APOE: variants seen among roughly 807,000 people sequenced by gnomAD.
APOE encodes the protein apolipoprotein E.
Under a neutral mutation model 13.1 loss-of-function variants are expected in APOE, and 10 were observed. The ratio of observed to expected loss-of-function variants is 0.76; its 90% confidence interval spans 0.47 to 1.29. APOE has a LOEUF of 1.29. Among genes scored for constraint, APOE ranks in the 50% most tolerant of loss-of-function variants. APOE has a pLI of 0.00. For synonymous variants in APOE, 211 were observed against 207.1 expected (o/e 1.02, Z -0.16); for missense variants, 471 against 459.6 (o/e 1.02, Z -0.23).
rs768684471 is a variant in APOE, at chr19:44,907,848, G to A, written c.132G>A (p.Trp44Ter). 6.2e-7 allele frequency: 1 copy of A among 1,614,054 alleles called. No individual in the cohort carries two copies. The highest frequency in any genetic ancestry group is 8.5e-7 in the Non-Finnish European group (1 of 1,179,942). Residue 44 changes from tryptophan to a stop codon, truncating the protein, a stop_gained, in exon 3 of 4, where the codon TGG (tryptophan) becomes TGA (stop). Transcript: ENST00000252486. LOFTEE classifies it high-confidence loss of function. This position sits in a 1 kb window ranked among gnomAD's most constrained non-coding sequence, Gnocchi z 4.1. ...CCGAGTGGCAGAGCGGCCAGCGCTGGGAACTGGCACTGGGTCGCTTTTGGG... is the reference window on the plus strand; with the variant it reads ...CCGAGTGGCAGAGCGGCCAGCGCTGAGAACTGGCACTGGGTCGCTTTTGGG... ...QQTEWQSGQR[W>*]ELALGRFWDY...
chr19:44,909,007 G>A lies in APOE; in HGVS notation c.711G>A (p.Glu237=), dbSNP rs1051122725. ...AWGERLRARM[E]EMGSRTRDRL... ...GCGAGCGGCTGCGCGCGCGGATGGAGGAGATGGGCAGCCGGACCCGCGACC... is the reference window on the plus strand; with the variant it reads ...GCGAGCGGCTGCGCGCGCGGATGGAAGAGATGGGCAGCCGGACCCGCGACC... The change falls in exon 4 of 4, where the codon GAG becomes GAA. Residue 237 remains glutamate, a synonymous_variant. Coordinates refer to ENST00000252486, the MANE Select transcript of APOE (RefSeq NM_000041.4). The A allele has an allele frequency of 3.3e-6, 5 of 1,536,610 alleles. No individual in the cohort carries two copies. Among genetic ancestry groups the A allele is most frequent in the Non-Finnish European group, 4.4e-6 (5 of 1,146,898 alleles).
rs917586841 is a variant in APOE, at chr19:44,906,548, T to G, written c.-23-54T>G. ...GGGTGAGGCCGGGTTGGGGCCGGGC[T>G]GGGGGTGGGAGGAGTCCTCACTGGC... On this transcript the variant is annotated intron_variant, in intron 1 of 3. Transcript: ENST00000252486. 108 of 1,602,832 alleles carry G rather than the reference T, an allele frequency of 6.7e-5. No homozygotes were observed. In the South Asian group the frequency reaches 1.0e-3, roughly 15 times the overall value.
At chr19:44,906,824 G>C (rs748992092) in intron 2 of APOE, 157 bp downstream of exon 2, 2 of 680,888 alleles carry the variant, frequency 2.9e-6, no homozygotes, top group Non-Finnish European at 5.2e-6. Context: ...TCTGGGCCTC[G>C]GTTTCCCCCA....
Position 44,907,721 on chromosome 19 carries a change from C to A in APOE, c.44-39C>A. 1 of 1,570,902 alleles carries A rather than the reference C, an allele frequency of 6.4e-7. No individual in the cohort carries two copies. Among genetic ancestry groups the A allele is most frequent in the Non-Finnish European group, 8.6e-7 (1 of 1,161,704 alleles). On this transcript the variant is annotated intron_variant, in intron 2 of 3. Coordinates refer to ENST00000252486, the MANE Select transcript of APOE (RefSeq NM_000041.4). The surrounding 1 kb of genome is among the most constrained non-coding windows in gnomAD (Gnocchi z 4.1). ...TAGGTACTAGATGCCTGGACGGGGT[C>A]AGAAGGACCCTGACCCACCTTGAAC...
At chr19:44,908,199 G>T (rs1456936815) in intron 3 of APOE, among the ~76,000 whole-genome samples, 1 of 151,972 alleles carries the variant, frequency 6.6e-6, no homozygotes, top group Non-Finnish European at 1.5e-5. Flanking sequence ...TCCTTCCCTA[G>T]CTCTTTTATA....
Position 44,907,061 on chromosome 19 carries a change from TC to T in APOE, c.43+395del. ...ACACCCGACTAACTTTTTTGTATTT[TC>T]AGTAGAGACGGGGTTTCACCATGTT... On this transcript the variant is annotated intron_variant, in intron 2 of 3. Transcript: ENST00000252486. This position sits in a 1 kb window ranked among gnomAD's most constrained non-coding sequence, Gnocchi z 4.1. 1 of 252,728 alleles carries T rather than the reference TC, an allele frequency of 4.0e-6. No homozygotes were observed. 15.7% of individuals were successfully genotyped at this position (252,728 alleles called of 1,614,324 possible). A position where few individuals can be genotyped will look rare whatever the true frequency, so the allele number is the denominator to read the frequency against.
chr19:44,909,238 C>A lies in APOE; in HGVS notation c.942C>A (p.Ser314Arg). Residue 314 changes from serine to arginine, a missense_variant, in exon 4 of 4, where the codon AGC (serine) becomes AGA (arginine). Ser to Arg is a moderately radical substitution (Grantham distance 110). Coordinates refer to ENST00000252486, the MANE Select transcript of APOE (RefSeq NM_000041.4). ...AVGTSAAPVP[S>R]DNH ...GCACCAGCGCCGCCCCTGTGCCCAG[C>A]GACAATCACTGAACGCCGAAGCCTG... The A allele has an allele frequency of 6.3e-7, 1 of 1,596,706 alleles. No individual in the cohort carries two copies. Among genetic ancestry groups the A allele is most frequent in the Non-Finnish European group, 8.5e-7 (1 of 1,179,232 alleles).
Position 44,908,694 on chromosome 19 carries a change from T to G in APOE, c.398T>G (p.Leu133Arg). ...GADMEDVCGRLVQYRGEVQAM... is the reference protein window; with the variant it reads ...GADMEDVCGRRVQYRGEVQAM... Reference sequence around the variant, plus strand: ...GACATGGAGGACGTGTGCGGCCGCCTGGTGCAGTACCGCGGCGAGGTGCAG... The same window carrying G: ...GACATGGAGGACGTGTGCGGCCGCCGGGTGCAGTACCGCGGCGAGGTGCAG... The change falls in exon 4 of 4, where the codon CTG becomes CGG. Residue 133 changes from leucine to arginine, a missense_variant. Coordinates refer to ENST00000252486, the MANE Select transcript of APOE (RefSeq NM_000041.4). The G allele has an allele frequency of 6.4e-7, 1 of 1,565,122 alleles. No individual in the cohort carries two copies. Among genetic ancestry groups the G allele is most frequent in the Non-Finnish European group, 8.7e-7 (1 of 1,155,470 alleles).
intron 2 of APOE, chr19:44,906,940 G>A (rs1969820194): frequency 2.0e-6 from 1 of 497,080 alleles, no homozygotes; most frequent in Non-Finnish European, 3.7e-6. Context: ...GAGTGCAGTG[G>A]CGGGATCTCG....
At chr19:44,905,925 T>C in intron 1 of APOE, 84 bp downstream of exon 1, 1 of 1,295,676 alleles carries the variant, frequency 7.7e-7, no homozygotes, top group Non-Finnish European at 1.0e-6. Context: ...GGCCTCCAGG[T>C]AGTCTCAGGA....
In APOE at chr19:44,909,304, GCGCAGCCTGCAGCGGGAGACCCTGTCCC is replaced by G; in HGVS notation, c.*58_*85del. ...ACGCCACCCCGTGCCTCCTGCCTCC[GCGCAGCCTGCAGCGGGAGACCCTGTCCC>G]CGCCCCAGCCGTCCTCCTGGGGTGG... On this transcript the variant is annotated 3_prime_UTR_variant, in exon 4 of 4. Coordinates refer to ENST00000252486, the MANE Select transcript of APOE (RefSeq NM_000041.4). 6.5e-7 allele frequency: 1 copy of G among 1,534,650 alleles called. No homozygotes were observed. The highest frequency in any genetic ancestry group is 2.3e-5 in the East Asian group (1 of 44,418).
At chr19:44,906,406 G>A (rs1358602022) in intron 1 of APOE, 196 bp from the exon 2 acceptor site, 2 of 622,352 alleles carry the variant, frequency 3.2e-6, no homozygotes, top group Non-Finnish European at 5.8e-6. Context: ...CCTGGGGATG[G>A]GGAGATAAGA....
At position 44,907,668 on chromosome 19, in the gene APOE, C is replaced by A; in HGVS notation, c.44-92C>A. On this transcript the variant is annotated intron_variant, in intron 2 of 3. Coordinates refer to ENST00000252486, the MANE Select transcript of APOE (RefSeq NM_000041.4). The surrounding 1 kb of genome is among the most constrained non-coding windows in gnomAD (Gnocchi z 4.1). ...CCTGCCCACCATGGCTCCAAAGAAGCATTTGTGGAGCACCTTCTGTGTGCC... is the reference window on the plus strand; with the variant it reads ...CCTGCCCACCATGGCTCCAAAGAAGAATTTGTGGAGCACCTTCTGTGTGCC... 1.7e-6 allele frequency: 2 copies of A among 1,180,914 alleles called. No homozygotes were observed. The highest frequency in any genetic ancestry group is 2.0e-4 in the Middle Eastern group (1 of 4,910). The allele number at this position is 1,180,914 out of a possible 1,614,324, so 73.2% of individuals were successfully genotyped here. A position where few individuals can be genotyped will look rare whatever the true frequency, so the allele number is the denominator to read the frequency against.
chr19:44,905,894 G>C (rs1233347077), intron 1 of APOE, 53 bp downstream of exon 1: 1 of 1,296,900 alleles, frequency 7.7e-7, no homozygotes, highest in African/African-American at 1.5e-5. Context: ...TCTAGAAAGA[G>C]CTGGGACCCT....
chr19:44,906,527 G>C (rs1405699926), intron 1 of APOE, 75 bp from the exon 2 acceptor site: 7 of 1,534,784 alleles, frequency 4.6e-6, no homozygotes, highest in African/African-American at 1.4e-5. Flanking sequence ...AACCTGGGGT[G>C]AGGCCGGGTT....
chr19:44,908,996 G>A lies in APOE; in HGVS notation c.700G>A (p.Ala234Thr), dbSNP rs1241924076. The change falls in exon 4 of 4, where the codon GCG becomes ACG. Residue 234 changes from alanine to threonine, a missense_variant. By Grantham distance (58) the Ala-to-Thr change is moderately conservative (BLOSUM62 0). Transcript: ENST00000252486. ...RAQAWGERLR[A>T]RMEEMGSRTR... Reference sequence around the variant, plus strand: ...CCAGGCCTGGGGCGAGCGGCTGCGCGCGCGGATGGAGGAGATGGGCAGCCG... The same window carrying A: ...CCAGGCCTGGGGCGAGCGGCTGCGCACGCGGATGGAGGAGATGGGCAGCCG... 2.6e-6 allele frequency: 4 copies of A among 1,534,104 alleles called. No individual in the cohort carries two copies. The highest frequency in any genetic ancestry group is 1.2e-5 in the South Asian group (1 of 83,944).
Position 44,907,824 on chromosome 19 carries a change from C to A in APOE, c.108C>A (p.Thr36=). Residue 36 remains threonine, a synonymous_variant, in exon 3 of 4, where the codon ACC becomes ACA. Coordinates refer to ENST00000252486, the MANE Select transcript of APOE (RefSeq NM_000041.4). This position sits in a 1 kb window ranked among gnomAD's most constrained non-coding sequence, Gnocchi z 4.1. Reference sequence around the variant, plus strand: ...CGGAGCCCGAGCTGCGCCAGCAGACCGAGTGGCAGAGCGGCCAGCGCTGGG... The same window carrying A: ...CGGAGCCCGAGCTGCGCCAGCAGACAGAGTGGCAGAGCGGCCAGCGCTGGG... The part of the protein sequence containing the change: ...TEPEPELRQQ[T]EWQSGQRWEL... 1.2e-6 allele frequency: 2 copies of A among 1,613,940 alleles called. No homozygotes were observed. Among genetic ancestry groups the A allele is most frequent in the Non-Finnish European group, 1.7e-6 (2 of 1,179,926 alleles).
chr19:44,909,142 G>A lies in APOE; in HGVS notation c.846G>A (p.Trp282Ter). ...AEAFQARLKS[W>*]FEPLVEDMQR... ...CCTTCCAGGCCCGCCTCAAGAGCTG[G>A]TTCGAGCCCCTGGTGGAAGACATGC... The change falls in exon 4 of 4, where the codon TGG becomes TGA. Residue 282 changes from tryptophan to a stop codon, truncating the protein, a stop_gained. Transcript: ENST00000252486. LOFTEE classifies it low-confidence loss of function (END_TRUNC). 3 of 1,601,548 alleles carry A rather than the reference G, an allele frequency of 1.9e-6. No individual in the cohort carries two copies. The highest frequency in any genetic ancestry group is 2.5e-6 in the Non-Finnish European group (3 of 1,178,752).
chr19:44,906,744 G>A, intron 2 of APOE, 77 bp downstream of exon 2: 2 of 1,460,142 alleles, frequency 1.4e-6, no homozygotes, highest in Non-Finnish European at 9.6e-7. Flanking sequence ...GCCCCATTCA[G>A]GCAGACCCTG....
Sources: gnomAD v4.1 joint callset for allele counts (sites outside exome capture counted in the v4.1 genomes callset) on GRCh38, gnomAD v4.1.1 for gene constraint, Gnocchi (gnomAD v3.1) non-coding constraint, MANE v1.5 for transcripts, NCBI Gene and HGNC (gene_info 2026-07-23, HGNC 2026-07-21) for gene names.